PRKDC: variants seen among roughly 807,000 people sequenced by gnomAD.
The protein encoded by PRKDC is protein kinase, DNA-activated, catalytic subunit, also known as DNA-dependent protein kinase catalytic subunit.
In PRKDC, 82 loss-of-function variants were observed where a neutral mutation model predicts 486.9. The observed-to-expected ratio is 0.17, with a 90% CI of 0.14 to 0.20. PRKDC has a LOEUF of 0.20. Among genes scored for constraint, PRKDC ranks in the 10% least tolerant of loss-of-function variants. The pLI is 1.00. For synonymous variants in PRKDC, 1,895 were observed against 1,837.0 expected (o/e 1.03, Z -0.81); for missense variants, 4,504 against 5,038.2 (o/e 0.89, Z 3.21).
At chr8:47,804,011 C>T (rs2087164633) in intron 69 of PRKDC, among the ~76,000 whole-genome samples, 1 of 151,660 alleles carries the variant, frequency 6.6e-6, no homozygotes, top group African/African-American at 2.4e-5. Flanking sequence ...CAAAGCTGTA[C>T]AACCACCACC....
Position 47,906,764 on chromosome 8 carries a change from T to C in PRKDC, c.2935-1788A>G, listed in dbSNP as rs184951321. Among the ~76,000 whole-genome samples the C allele has an allele frequency of 1.2e-4, 18 of 151,566 alleles. No individual in the cohort carries two copies. In the East Asian group the frequency reaches 2.5e-3, roughly 21 times the overall value. On this transcript the variant is annotated intron_variant, in intron 25 of 85. Coordinates refer to ENST00000314191, the MANE Select transcript of PRKDC (RefSeq NM_006904.7). ...AGGAGACCTTTATTCCCCACGGTTA[T>C]TGAGCTCAACAATTAAGTACTTTGA...
At chr8:47,839,426 C>T (rs2088095132) in intron 55 of PRKDC, among the ~76,000 whole-genome samples, 180 bp from the exon 56 acceptor site, 1 of 152,196 alleles carries the variant, frequency 6.6e-6, no homozygotes, top group African/African-American at 2.4e-5. Context: ...AGAACCCATC[C>T]TTGCTCCCAG....
intron 54 of PRKDC, among the ~76,000 whole-genome samples, chr8:47,844,672 A>C (rs2088225124): frequency 6.6e-6 from 1 of 152,202 alleles, no homozygotes; most frequent in Admixed American, 6.5e-5. Flanking sequence ...AAAAAAATTC[A>C]AAATCATACC....
intron 52 of PRKDC, among the ~76,000 whole-genome samples, chr8:47,850,475 A>G (rs1434851543): frequency 1.3e-5 from 2 of 152,204 alleles, no homozygotes; most frequent in Non-Finnish European, 2.9e-5. Context: ...CAGAAAATGG[A>G]AACACTCCTG....
intron 21 of PRKDC, among the ~76,000 whole-genome samples, chr8:47,918,849 C>T (rs944379609): frequency 2.0e-5 from 3 of 152,090 alleles, no homozygotes; most frequent in Non-Finnish European, 4.4e-5. Context: ...CATTTTGCAA[C>T]CATCAAAGTA....
chr8:47,900,342 A>G (rs1200431963), intron 28 of PRKDC, 31 bp downstream of exon 28: 1 of 1,540,402 alleles, frequency 6.5e-7, no homozygotes, highest in South Asian at 1.2e-5. Flanking sequence ...TCAGACCTGT[A>G]ACGCACACAG....
At chr8:47,828,974 T>C (rs995257485) in intron 61 of PRKDC, among the ~76,000 whole-genome samples, 5 of 152,212 alleles carry the variant, frequency 3.3e-5, no homozygotes, top group Non-Finnish European at 7.3e-5. Context: ...ATGGCCACAG[T>C]ATACTCCCTT....
In PRKDC at chr8:47,811,180, G is replaced by A. The variant is rs541245061; in HGVS notation, c.9558-3854C>T. ...ATAAAGAAAAAAAATCTTGAATGCA[G>A]CCAGAAAAATATGACACATTACATG... is the stretch of plus-strand genomic sequence containing the variant. On this transcript the variant is annotated intron_variant, in intron 68 of 85. Coordinates refer to ENST00000314191, the MANE Select transcript of PRKDC (RefSeq NM_006904.7). Among the ~76,000 whole-genome samples, 5 of 152,308 alleles carry A rather than the reference G, an allele frequency of 3.3e-5. No individual in the cohort carries two copies. In the East Asian group the frequency reaches 9.6e-4, roughly 29 times the overall value.
At chr8:47,794,206 A>C in intron 74 of PRKDC, 84 bp downstream of exon 74, 1 of 1,087,494 alleles carries the variant, frequency 9.2e-7, no homozygotes, top group Non-Finnish European at 1.3e-6. Context: ...TTGAAAACAA[A>C]TGTAGTGTCC....
Position 47,914,073 on chromosome 8 carries a change from A to G in PRKDC, c.2618-9T>C. ...CTCATCTGAGGACGTGACTGTTAGA[A>G]AAGATTTAAGAAGAATGAAACACTT... On this transcript the variant is annotated splice_polypyrimidine_tract_variant and intron_variant, in intron 23 of 85. Transcript: ENST00000314191. The G allele has an allele frequency of 6.9e-7, 1 of 1,459,518 alleles. No homozygotes were observed. Among genetic ancestry groups the G allele is most frequent in the Non-Finnish European group, 9.1e-7 (1 of 1,100,730 alleles). The allele number at this position is 1,459,518 out of a possible 1,614,324, so 90.4% of individuals were successfully genotyped here.
At chr8:47,939,724 T>C in intron 10 of PRKDC, 27 bp from the exon 11 acceptor site, 2 of 1,513,414 alleles carry the variant, frequency 1.3e-6, no homozygotes, top group African/African-American at 1.4e-5. Context: ...TTTATTTTTT[T>C]GGAAATATTT....
rs1458586081 is a variant in PRKDC, at chr8:47,774,227, T to C, written c.12333A>G (p.Ala4111=). 1 of 1,600,108 alleles carries C rather than the reference T, an allele frequency of 6.2e-7. No homozygotes were observed. Among genetic ancestry groups the C allele is most frequent in the East Asian group, 2.2e-5 (1 of 44,646 alleles). ...TTCTGCCAAGGATGTTGGGGTCTGT[T>C]GCCTGGTCCATCAGGCACTTCACTT... The part of the protein sequence containing the change: ...ETQVKCLMDQ[A]TDPNILGRTW... Residue 4111 remains alanine, a synonymous_variant, in exon 86 of 86, where the codon GCA becomes GCG. Transcript: ENST00000314191.
intron 24 of PRKDC, 27 bp downstream of exon 24, chr8:47,913,874 A>G: frequency 6.4e-7 from 1 of 1,571,606 alleles, no homozygotes; most frequent in Middle Eastern, 1.7e-4. Context: ...GGATCTAAAT[A>G]ATGGGTGAAA....
intron 21 of PRKDC, among the ~76,000 whole-genome samples, chr8:47,920,370 T>C (rs1451837282): frequency 6.7e-6 from 1 of 148,868 alleles, no homozygotes; most frequent in Non-Finnish European, 1.5e-5. Flanking sequence ...CTATGTGTCT[T>C]TGCAAGTATG....
intron 25 of PRKDC, among the ~76,000 whole-genome samples, chr8:47,909,927 C>T (rs1052627913): frequency 6.6e-6 from 1 of 152,054 alleles, no homozygotes; most frequent in African/African-American, 2.4e-5. Context: ...GGACATAGGC[C>T]CTCATCAGTA....
chr8:47,957,966 G>C (rs1373506509), intron 1 of PRKDC, among the ~76,000 whole-genome samples: 1 of 152,200 alleles, frequency 6.6e-6, no homozygotes, highest in African/African-American at 2.4e-5. Flanking sequence ...CCAATCCCTG[G>C]GGTCACATCT....
In PRKDC at chr8:47,886,051, C is replaced by T. The variant is rs757590843; in HGVS notation, c.4669G>A (p.Glu1557Lys). 10 of 1,613,646 alleles carry T rather than the reference C, an allele frequency of 6.2e-6. No homozygotes were observed. Among genetic ancestry groups the T allele is most frequent in the Non-Finnish European group, 7.6e-6 (9 of 1,179,900 alleles). Residue 1557 changes from glutamate to lysine, a missense_variant, in exon 36 of 86, where the codon GAG (glutamate) becomes AAG (lysine). By Grantham distance (56) the Glu-to-Lys change is moderately conservative. Coordinates refer to ENST00000314191, the MANE Select transcript of PRKDC (RefSeq NM_006904.7). The part of the protein sequence containing the change: ...QGSVIHFSHG[E>K]YFYSLFSETI... ...TCTGAGAACAAGCTATAGAAATACT[C>T]CCCATGGGAGAAGTGGATGACGCTG...
chr8:47,862,225 A>G, intron 43 of PRKDC, 98 bp from the exon 44 acceptor site: 6 of 1,357,368 alleles, frequency 4.4e-6, no homozygotes, highest in South Asian at 1.3e-5. Context: ...CTCATGGAAA[A>G]GCACTCCAGC....
intron 64 of PRKDC, 48 bp from the exon 65 acceptor site, chr8:47,821,840 A>C: frequency 7.0e-7 from 1 of 1,418,478 alleles, no homozygotes; most frequent in Non-Finnish European, 9.5e-7. Context: ...TGGAAAGAAT[A>C]CCAATGAGAA....
Sources: gnomAD v4.1 joint callset for allele counts (sites outside exome capture counted in the v4.1 genomes callset) on GRCh38, gnomAD v4.1.1 for gene constraint, MANE v1.5 for transcripts, NCBI Gene and HGNC (gene_info 2026-07-23, HGNC 2026-07-21) for gene names.